The following SATB1 variants were observed in gnomAD, a reference collection of about 807,000 sequenced individuals.
SATB1 encodes SATB homeobox 1, also known as DNA-binding protein SATB1.
A neutral mutation model predicts 86.9 loss-of-function variants in SATB1; 11 were observed. The ratio of observed to expected loss-of-function variants is 0.13; its 90% CI spans 0.08 to 0.21. The LOEUF is 0.21. Ranked by LOEUF, SATB1 falls within the 10% of genes least tolerant of loss-of-function variation. SATB1 has a pLI of 1.00. For synonymous variants in SATB1, 357 were observed against 357.2 expected, an observed-to-expected ratio of 1.00 and a Z score of 0.01; for missense variants, 551 against 937.6, an observed-to-expected ratio of 0.59 and a Z score of 5.39.
intron 7 of SATB1, among the ~76,000 whole-genome samples, chr3:18,391,838 G>A (rs979357691): frequency 6.6e-6 from 1 of 152,002 alleles, no homozygotes; most frequent in Non-Finnish European, 1.5e-5. Context: ...ACTACATCCA[G>A]TCATACCAAT....
chr3:18,354,630 G>A (rs1408495242), intron 9 of SATB1, among the ~76,000 whole-genome samples: 2 of 152,016 alleles, frequency 1.3e-5, no homozygotes, highest in Non-Finnish European at 2.9e-5. Context: ...TTCTTGGAGA[G>A]AGCTGAAAAA....
At chr3:18,431,799 A>T (rs1054491505) in intron 2 of SATB1, among the ~76,000 whole-genome samples, 11 of 152,192 alleles carry the variant, frequency 7.2e-5, no homozygotes, top group African/African-American at 2.7e-4. Context: ...ATTTCTAAAA[A>T]GGCAATAAAA....
rs1278726693 is a variant in SATB1, at chr3:18,424,273, C to G, written c.-671G>C. 3.3e-5 allele frequency: 5 copies of G among 152,032 alleles called. No individual in the cohort carries two copies. The highest frequency in any genetic ancestry group is 7.4e-5 in the Non-Finnish European group (5 of 68,026). The allele number at this position is 152,032 out of a possible 1,614,324, so 9.4% of individuals were successfully genotyped here. On this transcript the variant is annotated 5_prime_UTR_variant, in exon 1 of 11. Coordinates refer to ENST00000338745, the MANE Select transcript of SATB1 (RefSeq NM_002971.6). ...TTGCAATATTATTCTTCAATAACCC[C>G]GAATAACGCGCATTGGGAAGGCCAC...
At chr3:18,400,194 T>C (rs1575143143) in intron 5 of SATB1, among the ~76,000 whole-genome samples, 2 of 152,188 alleles carry the variant, frequency 1.3e-5, no homozygotes, top group South Asian at 2.1e-4. Flanking sequence ...CCAAGTTCCA[T>C]GTTAGAAAGG....
intron 10 of SATB1, chr3:18,350,663 T>G (rs1694309885): frequency 6.6e-6 from 1 of 152,346 alleles, no homozygotes; most frequent in South Asian, 2.1e-4. Flanking sequence ...TTAATTAACA[T>G]ATATCGTTCT....
chr3:18,368,593 C>T (rs758667417), intron 9 of SATB1, among the ~76,000 whole-genome samples: 4 of 152,206 alleles, frequency 2.6e-5, no homozygotes, highest in South Asian at 2.1e-4. Flanking sequence ...AATCAAAAAA[C>T]CCCCACTATT....
At chr3:18,355,333 A>G (rs968678492) in intron 9 of SATB1, among the ~76,000 whole-genome samples, 2 of 152,100 alleles carry the variant, frequency 1.3e-5, no homozygotes, top group African/African-American at 4.8e-5. Context: ...ACCTTGGAAT[A>G]TTTTGACTAC....
At position 18,347,252 on chromosome 3, in the gene SATB1, AAC is replaced by A. The variant is rs1236716940; in HGVS notation, c.*1916_*1917del. The A allele has an allele frequency of 1.3e-5, 2 of 152,202 alleles. No homozygotes were observed. Among genetic ancestry groups the A allele is most frequent in the Non-Finnish European group, 2.9e-5 (2 of 68,036 alleles). The allele number at this position is 152,202 out of a possible 1,614,324, so 9.4% of individuals were successfully genotyped here. On this transcript the variant is annotated 3_prime_UTR_variant, in exon 11 of 11. Transcript: ENST00000338745. ...CAGATACCCCTACTAGCATCTAGGA[AAC>A]AAAGTGAGGGAGCAAATAAAAGAAA...
At chr3:18,445,314 C>T (rs1191512346) in intron 1 of SATB1, 21 of 985,442 alleles carry the variant, frequency 2.1e-5, no homozygotes, top group Non-Finnish European at 2.5e-5. Context: ...GCCGCTGCTG[C>T]GCACCGCTCC....
At chr3:18,409,564 C>G (rs991325514) in intron 5 of SATB1, 1 of 151,946 alleles carries the variant, frequency 6.6e-6, no homozygotes, top group African/African-American at 2.4e-5. Context: ...TTTATGGATC[C>G]CACCATTACA....
At chr3:18,396,288 TA>T (rs202159712) in intron 6 of SATB1, among the ~76,000 whole-genome samples, 2,084 of 151,514 alleles carry the variant, frequency 0.014, 37 homozygotes, top group African/African-American at 0.047. Flanking sequence ...CTTAAAAAAT[TA>T]AAAAAAAATT....
At chr3:18,395,063 C>T (rs1696896520) in intron 6 of SATB1, 147 bp from the exon 7 acceptor site, 1 of 615,978 alleles carries the variant, frequency 1.6e-6, no homozygotes, top group Non-Finnish European at 2.8e-6. Flanking sequence ...TTGCAACTTA[C>T]CAGGCTGTGT....
At chr3:18,407,781 C>T (rs544002064) in intron 5 of SATB1, among the ~76,000 whole-genome samples, 1 of 152,082 alleles carries the variant, frequency 6.6e-6, no homozygotes, top group African/African-American at 2.4e-5. Flanking sequence ...AATGCCATTA[C>T]TCTAAAGAAA....
At chr3:18,401,917 C>T (rs1406906385) in intron 5 of SATB1, among the ~76,000 whole-genome samples, 1 of 152,132 alleles carries the variant, frequency 6.6e-6, no homozygotes, top group East Asian at 1.9e-4. Flanking sequence ...CTGCCACAGG[C>T]TGAGCTTCCT....
At position 18,392,972 on chromosome 3, in the gene SATB1, CAA is replaced by C. The variant is rs35399493; in HGVS notation, c.1206+1488_1206+1489del. The stretch of plus-strand genomic sequence containing the variant: ...GCCTTTTCAAAAACAGACGAACGTA[CAA>C]AAAAAAAAAAAAAGATGAATCGACT... On this transcript the variant is annotated intron_variant, in intron 7 of 10. Coordinates refer to ENST00000338745, the MANE Select transcript of SATB1 (RefSeq NM_002971.6). 6.6e-4 allele frequency among the ~76,000 whole-genome samples: 76 copies of C among 114,788 alleles called. No individual in the cohort carries two copies. The South Asian group carries it at 6.9e-3, about 10-fold the overall frequency. The allele number at this position is 114,788 out of a possible 152,430, so 75.3% of individuals were successfully genotyped here. A position where few individuals can be genotyped will look rare whatever the true frequency, so the allele number is the denominator to read the frequency against.
chr3:18,373,310 G>A (rs1695567689), intron 9 of SATB1, among the ~76,000 whole-genome samples: 1 of 152,148 alleles, frequency 6.6e-6, no homozygotes, highest in South Asian at 2.1e-4. Context: ...TTAAATAGGA[G>A]GCTACACAGG....
intron 1 of SATB1, among the ~76,000 whole-genome samples, chr3:18,437,321 G>A (rs187891230): frequency 6.6e-6 from 1 of 152,002 alleles, no homozygotes; most frequent in East Asian, 1.9e-4. Flanking sequence ...AAAAAAAACA[G>A]GAGAAAAATT....
chr3:18,390,286 AAT>A (rs1696585690), intron 7 of SATB1, among the ~76,000 whole-genome samples: 1 of 152,246 alleles, frequency 6.6e-6, no homozygotes, highest in East Asian at 1.9e-4. Flanking sequence ...TCAGGAAGAA[AAT>A]ATGATTTGAT....
At chr3:18,409,628 A>G (rs1697729418) in intron 5 of SATB1, 1 of 152,072 alleles carries the variant, frequency 6.6e-6, no homozygotes, top group African/African-American at 2.4e-5. Flanking sequence ...CAAGTACTTC[A>G]GTGCCTGGCA....
Sources: gnomAD v4.1 joint callset for allele counts (sites outside exome capture counted in the v4.1 genomes callset) on GRCh38, gnomAD v4.1.1 for gene constraint, MANE v1.5 for transcripts, NCBI Gene and HGNC (gene_info 2026-07-23, HGNC 2026-07-21) for gene names.